Variants in FGD2 observed in about 807,000 individuals in gnomAD.
The protein encoded by FGD2 is FYVE, RhoGEF and PH domain-containing protein 2.
FGD2 carries 52 observed loss-of-function variants against 75.9 expected under a neutral mutation model. The observed-to-expected ratio is 0.69, with a 90% CI of 0.55 to 0.86. The LOEUF is 0.86. Ranked by LOEUF, FGD2 falls within the 40% of genes least tolerant of loss-of-function variation. The pLI is 0.00. For synonymous variants in FGD2, 347 were observed against 348.6 expected, an observed-to-expected ratio of 1.00 and a Z score of 0.05; for missense variants, 790 against 872.0, an observed-to-expected ratio of 0.91 and a Z score of 1.18.
In FGD2 at chr6:37,011,813, T is replaced by C. The variant is rs928909072; in HGVS notation, c.486T>C (p.Ser162=). 1 of 1,614,148 alleles carries C rather than the reference T, an allele frequency of 6.2e-7. No homozygotes were observed. The highest frequency in any genetic ancestry group is 8.5e-7 in the Non-Finnish European group (1 of 1,180,004). ...SNISSIYQFH[S]QFFLPELQRR... is the part of the protein sequence containing the mutation. ...TCTCCTCCATCTATCAGTTCCATTC[T>C]CAGTTCTTCCTCCCAGAGCTGCAGC... The change falls in exon 4 of 16, where the codon TCT becomes TCC. Residue 162 remains serine, a synonymous_variant. Coordinates refer to ENST00000274963, the MANE Select transcript of FGD2 (RefSeq NM_173558.4).
In FGD2 at chr6:37,014,925, C is replaced by G. The variant is rs377492771; in HGVS notation, c.916C>G (p.Arg306Gly). The G allele has an allele frequency of 1.2e-6, 2 of 1,614,130 alleles. No homozygotes were observed. Among genetic ancestry groups the G allele is most frequent in the Non-Finnish European group, 1.7e-6 (2 of 1,180,010 alleles). The part of the protein sequence containing the change: ...RLQDLWEVYQ[R>G]LGLEDDIVDP... Reference sequence around the variant, plus strand: ...GCAGGACCTGTGGGAGGTGTACCAGCGCCTGGGCCTCGAGGACGACATAGT... The same window carrying G: ...GCAGGACCTGTGGGAGGTGTACCAGGGCCTGGGCCTCGAGGACGACATAGT... Residue 306 changes from arginine (R) to glycine (G), a missense_variant, in exon 8 of 16, where the codon CGC (arginine) becomes GGC (glycine). Arg to Gly is a moderately radical substitution (Grantham distance 125, BLOSUM62 -2). Coordinates refer to ENST00000274963, the MANE Select transcript of FGD2 (RefSeq NM_173558.4).
At position 37,008,935 on chromosome 6, in the gene FGD2, T is replaced by A. The variant is rs757695362; in HGVS notation, c.170T>A (p.Val57Asp). ...ESPGPREKTN[V>D]GEAVGSEPRT... The stretch of plus-strand genomic sequence containing the variant: ...CCAGGACCACGGGAGAAGACGAATG[T>A]CGGGGAGGCCGTGGGGTCTGAGCCC... The change falls in exon 2 of 16, where the codon GTC becomes GAC. Residue 57 changes from valine to aspartate, a missense_variant. Transcript: ENST00000274963. 16 of 1,614,188 alleles carry A rather than the reference T, an allele frequency of 9.9e-6. No individual in the cohort carries two copies. The South Asian group carries it at 1.1e-4, about 11-fold the overall frequency.
intron 11 of FGD2, among the ~76,000 whole-genome samples, chr6:37,021,036 ATG>A (rs1488351367): frequency 4.0e-5 from 6 of 148,406 alleles, no homozygotes; most frequent in Non-Finnish European, 8.9e-5. Flanking sequence ...GTATGTGTAT[ATG>A]TGTGTTTGTG....
intron 3 of FGD2, 93 bp downstream of exon 3, chr6:37,011,143 A>G: frequency 8.0e-7 from 1 of 1,247,604 alleles, no homozygotes; most frequent in Non-Finnish European, 1.2e-6. Context: ...ACCAGAGCTG[A>G]GTCAGGAGCC....
chr6:37,020,617 C>T lies in FGD2; in HGVS notation c.1199C>T (p.Ala400Val). 6.2e-7 allele frequency: 1 copy of T among 1,601,976 alleles called. No individual in the cohort carries two copies. Among genetic ancestry groups the T allele is most frequent in the Non-Finnish European group, 8.5e-7 (1 of 1,174,296 alleles). ...SGKQRTLELQ[A>V]RSQEEMISWM... ...AAGCAGCGCACCCTGGAGCTGCAAGCCCGGTAAAGGAGCTGGGGTGGCGGC... is the reference window on the plus strand; with the variant it reads ...AAGCAGCGCACCCTGGAGCTGCAAGTCCGGTAAAGGAGCTGGGGTGGCGGC... Residue 400 changes from alanine (A) to valine (V), a missense_variant, in exon 10 of 16, where the codon GCC (alanine) becomes GTC (valine). Coordinates refer to ENST00000274963, the MANE Select transcript of FGD2 (RefSeq NM_173558.4).
rs185507792 is a variant in FGD2, at chr6:37,027,296, G to A, written c.1606-133G>A. ...CACAGGCACTTGATGGGACCTCTCTGAGCCTCAAGGACCAAGGACCCCTCC... is the reference window on the plus strand; with the variant it reads ...CACAGGCACTTGATGGGACCTCTCTAAGCCTCAAGGACCAAGGACCCCTCC... On this transcript the variant is annotated intron_variant, in intron 14 of 15. Transcript: ENST00000274963. 285 of 1,062,334 alleles carry A rather than the reference G, an allele frequency of 2.7e-4. No homozygotes were observed. The African/African-American group carries it at 3.9e-3, about 14-fold the overall frequency. 65.8% of individuals were successfully genotyped at this position (1,062,334 alleles called of 1,614,324 possible).
chr6:37,009,274 G>A lies in FGD2; in HGVS notation c.300+209G>A, dbSNP rs897677274. 5.8e-5 allele frequency: 31 copies of A among 533,908 alleles called. No individual in the cohort carries two copies. In the East Asian group the frequency reaches 9.3e-4, roughly 16 times the overall value. The allele number at this position is 533,908 out of a possible 1,614,324, so 33.1% of individuals were successfully genotyped here. A position where few individuals can be genotyped will look rare whatever the true frequency, so the allele number is the denominator to read the frequency against. On this transcript the variant is annotated intron_variant, in intron 2 of 15. Coordinates refer to ENST00000274963, the MANE Select transcript of FGD2 (RefSeq NM_173558.4). ...TACGCACCGTGCTGGATTACTTCGC[G>A]AGTCCCTCGTGTAGGAGTTTTTTGG...
At chr6:37,014,307 C>T (rs866322752) in intron 6 of FGD2, 38 of 663,478 alleles carry the variant, frequency 5.7e-5, no homozygotes, top group African/African-American at 3.5e-4. Context: ...CTCAAGGTCA[C>T]GCAGCCAGAG....
intron 5 of FGD2, 46 bp from the exon 6 acceptor site, chr6:37,013,915 CT>C: frequency 6.3e-7 from 1 of 1,599,286 alleles, no homozygotes; most frequent in Non-Finnish European, 8.5e-7. Flanking sequence ...CCTGACCCAC[CT>C]CCCTTCTCTC....
Position 37,014,721 on chromosome 6 carries a change from C to G in FGD2, c.882+17C>G. 1 of 1,613,986 alleles carries G rather than the reference C, an allele frequency of 6.2e-7. No homozygotes were observed. The highest frequency in any genetic ancestry group is 8.5e-7 in the Non-Finnish European group (1 of 1,179,988). ...ACTGAGATGGTAAGCAGCCCGCCCT[C>G]TCCTGGAGCCCTGTCCCCCTCCCTG... is the stretch of plus-strand genomic sequence containing the variant. On this transcript the variant is annotated intron_variant, in intron 7 of 15. Coordinates refer to ENST00000274963, the MANE Select transcript of FGD2 (RefSeq NM_173558.4).
chr6:37,011,921 C>T, intron 4 of FGD2, 67 bp downstream of exon 4: 2 of 1,558,972 alleles, frequency 1.3e-6, no homozygotes, highest in Non-Finnish European at 1.7e-6. Context: ...TGGGGAGACC[C>T]CAGGGCGCTA....
At position 37,009,256 on chromosome 6, in the gene FGD2, C is replaced by G. The variant is rs1383954892; in HGVS notation, c.300+191C>G. 5.2e-6 allele frequency: 3 copies of G among 574,236 alleles called. No homozygotes were observed. The Admixed American group carries it at 9.9e-5, about 19-fold the overall frequency. The allele number at this position is 574,236 out of a possible 1,614,324, so 35.6% of individuals were successfully genotyped here. ...GATTCACTAACTGCCTGCTACGCAC[C>G]GTGCTGGATTACTTCGCGAGTCCCT... is the stretch of plus-strand genomic sequence containing the variant. On this transcript the variant is annotated intron_variant, in intron 2 of 15. Transcript: ENST00000274963.
At chr6:37,022,866 C>T (rs991539086) in intron 13 of FGD2, 1 of 157,620 alleles carries the variant, frequency 6.3e-6, no homozygotes, top group Non-Finnish European at 1.4e-5. Flanking sequence ...ATTACTACCT[C>T]ATCTGGCCCT....
chr6:37,008,103 G>A (rs1052277791), intron 1 of FGD2, among the ~76,000 whole-genome samples: 5 of 152,150 alleles, frequency 3.3e-5, no homozygotes, highest in Non-Finnish European at 5.9e-5. Context: ...CCTTTCTCAC[G>A]GAGTTTTGGA....
At chr6:37,022,422 A>G (rs928320526) in intron 13 of FGD2, 52 bp downstream of exon 13, 4 of 1,515,884 alleles carry the variant, frequency 2.6e-6, no homozygotes, top group East Asian at 5.0e-5. Flanking sequence ...CCAGGCCTCC[A>G]CCTGCATCAC....
chr6:37,020,423 C>T (rs796415299), intron 9 of FGD2, 118 bp from the exon 10 acceptor site: 2 of 963,360 alleles, frequency 2.1e-6, no homozygotes, highest in African/African-American at 1.6e-5. Context: ...CTCTGCATCC[C>T]TGTCTCTCGA....
chr6:37,011,919 C>A (rs1174560187), intron 4 of FGD2, 65 bp downstream of exon 4: 3 of 1,558,318 alleles, frequency 1.9e-6, no homozygotes, highest in Non-Finnish European at 2.6e-6. Context: ...GGTGGGGAGA[C>A]CCCAGGGCGC....
chr6:37,008,583 C>A (rs558987542), intron 1 of FGD2, among the ~76,000 whole-genome samples: 10 of 152,306 alleles, frequency 6.6e-5, no homozygotes, highest in African/African-American at 2.2e-4. Context: ...TCATTTTAAA[C>A]AAGGAAGTAT....
chr6:37,013,882 A>G, intron 5 of FGD2, 80 bp from the exon 6 acceptor site: 1 of 1,583,022 alleles, frequency 6.3e-7, no homozygotes, highest in Admixed American at 1.7e-5. Flanking sequence ...GCCCCTGCCT[A>G]CTCGTCCGGC....
Sources: gnomAD v4.1 joint callset for allele counts (sites outside exome capture counted in the v4.1 genomes callset) on GRCh38, gnomAD v4.1.1 for gene constraint, MANE v1.5 for transcripts, NCBI Gene and HGNC (gene_info 2026-07-23, HGNC 2026-07-21) for gene names.